CDC42BPA: variants seen among roughly 807,000 people sequenced by gnomAD.
CDC42BPA encodes CDC42 binding protein kinase alpha.
A neutral mutation model predicts 223.5 loss-of-function variants in CDC42BPA; 80 were observed. The ratio of observed to expected loss-of-function variants is 0.36; its 90% CI spans 0.30 to 0.43. The LOEUF (loss-of-function observed/expected upper bound fraction) is 0.43, where lower values mean the gene tolerates loss of function less well. Ranked by LOEUF, CDC42BPA falls within the 20% of genes least tolerant of loss-of-function variation. The pLI, the probability that CDC42BPA is intolerant of heterozygous loss-of-function variation, is 1.00. For synonymous variants in CDC42BPA, 694 were observed against 718.6 expected (o/e 0.97, Z 0.55); for missense variants, 1,743 against 2,099.9 (o/e 0.83, Z 3.32).
rs201775243 is a variant in CDC42BPA, at chr1:227,029,014, G to C, written c.4075C>G (p.Gln1359Glu). The C allele has an allele frequency of 4.6e-4, 735 of 1,614,034 alleles. No homozygotes were observed. The highest frequency in any genetic ancestry group is 5.7e-4 in the Admixed American group (34 of 60,038). The part of the protein sequence containing the change: ...LTCLCVAMKR[Q>E]VLCYELFQSK... ...TGAAATAGTTCATAACAGAGGACCT[G>C]CCTTTTCATAGCCACACACAGGCAT... The change falls in exon 30 of 37, where the codon CAG (glutamine) becomes GAG (glutamate). Residue 1359 changes from glutamine (Q) to glutamate (E), a missense_variant. Transcript: ENST00000366766.
intron 5 of CDC42BPA, among the ~76,000 whole-genome samples, chr1:227,164,414 CT>C (rs749654183): frequency 1.3e-4 from 20 of 152,152 alleles, no homozygotes; most frequent in African/African-American, 4.8e-4. Context: ...ACCTATAAGT[CT>C]TTTTTTATAT....
intron 16 of CDC42BPA, among the ~76,000 whole-genome samples, chr1:227,087,331 G>T (rs1260757708): frequency 6.6e-6 from 1 of 152,116 alleles, no homozygotes; most frequent in Non-Finnish European, 1.5e-5. Flanking sequence ...CCATTGAATT[G>T]CCTTGGCACT....
intron 12 of CDC42BPA, among the ~76,000 whole-genome samples, chr1:227,118,756 A>G (rs1688166524): frequency 6.6e-6 from 1 of 152,060 alleles, no homozygotes; most frequent in African/African-American, 2.4e-5. Flanking sequence ...AAAATGGTAA[A>G]CCATTAATAT....
intron 21 of CDC42BPA, among the ~76,000 whole-genome samples, chr1:227,058,629 A>C (rs540302747): frequency 6.6e-6 from 1 of 152,338 alleles, no homozygotes; most frequent in South Asian, 2.1e-4. Flanking sequence ...CTGGTTTAGA[A>C]AAATTCCATC....
At chr1:227,200,186 T>A (rs1355204446) in intron 3 of CDC42BPA, among the ~76,000 whole-genome samples, 1 of 152,178 alleles carries the variant, frequency 6.6e-6, no homozygotes, top group Non-Finnish European at 1.5e-5. Flanking sequence ...ATCCCAGTAC[T>A]CTGTGATGCC....
At chr1:227,284,082 G>C (rs1268128957) in intron 1 of CDC42BPA, among the ~76,000 whole-genome samples, 2 of 152,038 alleles carry the variant, frequency 1.3e-5, no homozygotes, top group Non-Finnish European at 2.9e-5. Context: ...TTTTAATTAA[G>C]TGCTTTACTA....
intron 10 of CDC42BPA, among the ~76,000 whole-genome samples, chr1:227,137,208 C>G (rs1252578389): frequency 6.6e-6 from 1 of 152,000 alleles, no homozygotes; most frequent in Non-Finnish European, 1.5e-5. Context: ...GCAAGAACCT[C>G]GAACCAAAAC....
intron 1 of CDC42BPA, among the ~76,000 whole-genome samples, chr1:227,308,130 CTTATA>C (rs970257161): frequency 6.6e-6 from 1 of 152,068 alleles, no homozygotes; most frequent in Non-Finnish European, 1.5e-5. Flanking sequence ...TATTTACATC[CTTATA>C]TTAGTATAGC....
At chr1:227,026,709 A>G (rs1389956247) in intron 30 of CDC42BPA, among the ~76,000 whole-genome samples, 1 of 152,242 alleles carries the variant, frequency 6.6e-6, no homozygotes, top group East Asian at 1.9e-4. Flanking sequence ...AGAGCTACAC[A>G]AAAAAGTCAG....
At position 227,147,310 on chromosome 1, in the gene CDC42BPA, A is replaced by G. The variant is rs756871142; in HGVS notation, c.894+49T>C. On this transcript the variant is annotated intron_variant, in intron 7 of 36. Transcript: ENST00000366766. Reference sequence around the variant, plus strand: ...TTTTCTCTTTAAAAATGGTTTTATTATATGTGTTATTTACCACATTAATTT... The same window carrying G: ...TTTTCTCTTTAAAAATGGTTTTATTGTATGTGTTATTTACCACATTAATTT... 6.0e-5 allele frequency: 78 copies of G among 1,305,022 alleles called. No individual in the cohort carries two copies. The South Asian group carries it at 9.0e-4, about 15-fold the overall frequency. 80.8% of individuals were successfully genotyped at this position (1,305,022 alleles called of 1,614,324 possible).
At chr1:227,183,362 G>A (rs903731526) in intron 5 of CDC42BPA, 2 of 151,950 alleles carry the variant, frequency 1.3e-5, no homozygotes, top group Admixed American at 1.3e-4. Context: ...ATTTTCCCCA[G>A]GCCCTGTCCC....
At chr1:227,293,110 A>T (rs930974990) in intron 1 of CDC42BPA, among the ~76,000 whole-genome samples, 34 of 152,186 alleles carry the variant, frequency 2.2e-4, no homozygotes, top group Admixed American at 1.3e-4. Context: ...TTCACTCACC[A>T]ATTCTTTCAT....
intron 23 of CDC42BPA, among the ~76,000 whole-genome samples, chr1:227,043,633 G>C (rs1210261769): frequency 1.3e-5 from 2 of 151,962 alleles, no homozygotes; most frequent in Non-Finnish European, 2.9e-5. Context: ...GTTTTATTTT[G>C]TCTTATTTTG....
At chr1:227,145,109 C>G (rs115821388) in intron 8 of CDC42BPA, among the ~76,000 whole-genome samples, 1 of 152,022 alleles carries the variant, frequency 6.6e-6, no homozygotes, top group African/African-American at 2.4e-5. Flanking sequence ...GTATCAGGCC[C>G]TGACATGGTT....
At chr1:227,125,078 C>T (rs2149476361) in intron 11 of CDC42BPA, among the ~76,000 whole-genome samples, 1 of 152,006 alleles carries the variant, frequency 6.6e-6, no homozygotes, top group African/African-American at 2.4e-5. Flanking sequence ...TAAATGACAA[C>T]AGCTGTAAAG....
chr1:227,000,114 A>G (rs1315064936), intron 35 of CDC42BPA, among the ~76,000 whole-genome samples: 1 of 124,348 alleles, frequency 8.0e-6, no homozygotes, highest in East Asian at 2.0e-4. Flanking sequence ...TAATAATAAT[A>G]ATAATAATAA....
intron 21 of CDC42BPA, among the ~76,000 whole-genome samples, chr1:227,063,227 T>C (rs1055875528): frequency 1.3e-5 from 2 of 152,138 alleles, no homozygotes; most frequent in Admixed American, 6.6e-5. Context: ...ACACTGAAAT[T>C]GAATTCATGG....
At chr1:227,215,560 G>A (rs1222472756) in intron 2 of CDC42BPA, among the ~76,000 whole-genome samples, 1 of 152,182 alleles carries the variant, frequency 6.6e-6, no homozygotes, top group Non-Finnish European at 1.5e-5. Flanking sequence ...CACCTGTGCA[G>A]TCATCAGGGA....
intron 15 of CDC42BPA, among the ~76,000 whole-genome samples, chr1:227,099,824 C>A (rs1055900860): frequency 5.9e-5 from 9 of 152,088 alleles, no homozygotes; most frequent in African/African-American, 2.2e-4. Context: ...TATAATTTAA[C>A]CCTCCCTTGA....
Sources: allele counts gnomAD v4.1 joint callset (sites outside exome capture counted in the v4.1 genomes callset), GRCh38; gene constraint gnomAD v4.1.1; transcripts MANE v1.5; gene names NCBI Gene and HGNC (gene_info 2026-07-23, HGNC 2026-07-21).